ANKH: variants seen among roughly 807,000 people sequenced by gnomAD.
The protein encoded by ANKH is ANKH inorganic pyrophosphate transport regulator.
ANKH carries 15 observed loss-of-function variants against 49.0 expected under a neutral mutation model. The observed-to-expected ratio is 0.31, with a 90% CI of 0.20 to 0.47. The LOEUF (loss-of-function observed/expected upper bound fraction) is 0.47. ANKH is among the 20% of genes least tolerant of loss of function. The pLI, the probability that ANKH is intolerant of heterozygous loss-of-function variation, is 1.00. For synonymous variants in ANKH, 273 were observed against 260.0 expected, an observed-to-expected ratio of 1.05 and a Z score of -0.48; for missense variants, 429 against 652.0, an observed-to-expected ratio of 0.66 and a Z score of 3.72.
chr5:14,734,741 G>A (rs1738119441), intron 8 of ANKH, among the ~76,000 whole-genome samples: 1 of 152,216 alleles, frequency 6.6e-6, no homozygotes, highest in South Asian at 2.1e-4. Context: ...AACTCATTCA[G>A]GTGGTGGGCC....
rs142446818 is a variant in ANKH, at chr5:14,770,540, A to G, written c.97-1349T>C. 4.3e-4 allele frequency among the ~76,000 whole-genome samples: 65 copies of G among 152,378 alleles called. No homozygotes were observed. The East Asian group carries it at 0.013, about 29-fold the overall frequency. On this transcript the variant is annotated intron_variant, in intron 1 of 11. Transcript: ENST00000284268. The surrounding 1 kb of genome is among the most constrained non-coding windows in gnomAD (Gnocchi z 4.1). ...AGAATAATTATTAACAATATATTAT[A>G]ATAAAAGTTTTATCAATGTGGTCTT...
intron 1 of ANKH, among the ~76,000 whole-genome samples, chr5:14,848,415 T>TTG (rs1561082812): frequency 4.3e-5 from 1 of 23,138 alleles, no homozygotes; most frequent in Non-Finnish European, 7.5e-5. Context: ...GGCAATCCTC[T>TTG]GGGTCCCCTC....
intron 7 of ANKH, among the ~76,000 whole-genome samples, chr5:14,744,734 G>A (rs1437944304): frequency 6.6e-6 from 1 of 152,244 alleles, no homozygotes; most frequent in African/African-American, 2.4e-5. Context: ...TGTAAGGTGT[G>A]GTGGGGGAGA....
intron 8 of ANKH, chr5:14,717,045 AGGGGACCCCCACGGCAGAGCAGATG>A (rs1737494336): frequency 1.7e-6 from 1 of 582,782 alleles, no homozygotes; most frequent in Non-Finnish European, 3.1e-6. Context: ...GTCTGTACCC[AGGGGACCCCCACGGCAGAGCAGATG>A]TGGCTCCTCC....
chr5:14,769,627 GT>G, intron 1 of ANKH, among the ~76,000 whole-genome samples: 2 of 36,690 alleles, frequency 5.5e-5, no homozygotes, highest in Non-Finnish European at 1.1e-4. Flanking sequence ...AAGGGGTGGT[GT>G]GTGTGTGTGT....
chr5:14,786,045 CAAA>C (rs71603742), intron 1 of ANKH, among the ~76,000 whole-genome samples: 26 of 67,220 alleles, frequency 3.9e-4, no homozygotes, highest in African/African-American at 1.2e-3. Context: ...GACTCTGTCT[CAAA>C]AAAAAAAAAA....
intron 1 of ANKH, among the ~76,000 whole-genome samples, chr5:14,829,495 A>G (rs1193753079): frequency 1.3e-5 from 2 of 152,214 alleles, no homozygotes; most frequent in African/African-American, 4.8e-5. Flanking sequence ...GATATGAAAG[A>G]AAAAAGTGTC....
rs1476090446 is a variant in ANKH, at chr5:14,770,444, A to G, written c.97-1253T>C. Among the ~76,000 whole-genome samples the G allele has an allele frequency of 1.3e-5, 2 of 152,204 alleles. No homozygotes were observed. Among genetic ancestry groups the G allele is most frequent in the East Asian group, 3.8e-4 (2 of 5,202 alleles). ...ATATATACTATGTTTTTTCCTATAT[A>G]TACATACCTATGAGAAAGTTTAATT... On this transcript the variant is annotated intron_variant, in intron 1 of 11. Transcript: ENST00000284268. This position sits in a 1 kb window ranked among gnomAD's most constrained non-coding sequence, Gnocchi z 4.1.
intron 1 of ANKH, among the ~76,000 whole-genome samples, chr5:14,837,811 A>G (rs967495129): frequency 6.6e-6 from 1 of 152,240 alleles, no homozygotes; most frequent in African/African-American, 2.4e-5. Flanking sequence ...GCTGCTATAA[A>G]GACACATGGA....
At chr5:14,847,083 A>G (rs1375546001) in intron 1 of ANKH, among the ~76,000 whole-genome samples, 12 of 151,982 alleles carry the variant, frequency 7.9e-5, no homozygotes, top group Admixed American at 7.9e-4. Flanking sequence ...TATGGGATGA[A>G]GGGTGCTGCA....
intron 1 of ANKH, among the ~76,000 whole-genome samples, chr5:14,811,567 C>T (rs1219353790): frequency 6.6e-6 from 1 of 152,170 alleles, no homozygotes; most frequent in Non-Finnish European, 1.5e-5. Context: ...GTACAAACAA[C>T]CTTGTGTGAT....
intron 1 of ANKH, among the ~76,000 whole-genome samples, chr5:14,850,147 C>T (rs1269417041): frequency 6.6e-6 from 1 of 152,188 alleles, no homozygotes; most frequent in African/African-American, 2.4e-5. Flanking sequence ...GACGAGGAAC[C>T]CGCATATCAA....
At chr5:14,806,882 A>G (rs28427036) in intron 1 of ANKH, among the ~76,000 whole-genome samples, 18,227 of 152,274 alleles carry the variant, frequency 0.12, 1,182 homozygotes, top group African/African-American at 0.16. Flanking sequence ...CAGAAAGCCC[A>G]CTTCATTTTA....
chr5:14,763,024 G>A (rs1046966925), intron 2 of ANKH, among the ~76,000 whole-genome samples: 5 of 152,232 alleles, frequency 3.3e-5, no homozygotes, highest in Admixed American at 6.5e-5. Context: ...CACAGAAAGT[G>A]CCCTTCAGAT....
chr5:14,769,570 G>A (rs1042046976), intron 1 of ANKH, among the ~76,000 whole-genome samples: 1 of 152,012 alleles, frequency 6.6e-6, no homozygotes, highest in Non-Finnish European at 1.5e-5. Flanking sequence ...TTCTGAAAAC[G>A]AGTCTAACAG....
intron 1 of ANKH, among the ~76,000 whole-genome samples, chr5:14,786,458 C>T (rs1047985901): frequency 1.3e-5 from 2 of 152,032 alleles, no homozygotes; most frequent in African/African-American, 4.8e-5. Context: ...TTTAACTCCA[C>T]ATAGGAGAAA....
At chr5:14,768,715 C>G (rs1322552459) in intron 2 of ANKH, 1 of 556,938 alleles carries the variant, frequency 1.8e-6, no homozygotes, top group Non-Finnish European at 3.2e-6. Flanking sequence ...AAATGTTATT[C>G]CTAGATGTAA....
intron 1 of ANKH, among the ~76,000 whole-genome samples, chr5:14,853,208 TTAC>T (rs1424091091): frequency 3.3e-5 from 5 of 152,232 alleles, no homozygotes; most frequent in African/African-American, 1.2e-4. Flanking sequence ...CTTTTCCCAA[TTAC>T]TACTATTTTA....
At position 14,770,964 on chromosome 5, in the gene ANKH, T is replaced by C. The variant is rs1264307432; in HGVS notation, c.97-1773A>G. Reference sequence around the variant, plus strand: ...TAGAATTCATATTCAGTCTCTGCTATGTAAACTGAAAGAAGAAATGAAAGA... The same window carrying C: ...TAGAATTCATATTCAGTCTCTGCTACGTAAACTGAAAGAAGAAATGAAAGA... On this transcript the variant is annotated intron_variant, in intron 1 of 11. Coordinates refer to ENST00000284268, the MANE Select transcript of ANKH (RefSeq NM_054027.6). This position sits in a 1 kb window ranked among gnomAD's most constrained non-coding sequence, Gnocchi z 4.1. 6.6e-6 allele frequency among the ~76,000 whole-genome samples: 1 copy of C among 152,268 alleles called. No individual in the cohort carries two copies. The highest frequency in any genetic ancestry group is 2.1e-4 in the South Asian group (1 of 4,836).
Sources: gnomAD v4.1 joint callset for allele counts (sites outside exome capture counted in the v4.1 genomes callset) on GRCh38, gnomAD v4.1.1 for gene constraint, Gnocchi (gnomAD v3.1) non-coding constraint, MANE v1.5 for transcripts, NCBI Gene and HGNC (gene_info 2026-07-23, HGNC 2026-07-21) for gene names.